Variants in RGL1 observed in about 807,000 individuals in gnomAD.
RGL1 encodes the protein ral guanine nucleotide dissociation stimulator-like 1.
A neutral mutation model predicts 95.2 loss-of-function variants in RGL1; 24 were observed. The observed-to-expected ratio is 0.25, with a 90% CI of 0.18 to 0.35. The LOEUF (loss-of-function observed/expected upper bound fraction) is 0.35. Among genes scored for constraint, RGL1 ranks in the 10% least tolerant of loss-of-function variants. The pLI, the probability that RGL1 is intolerant of heterozygous loss-of-function variation, is 1.00. For missense variants in RGL1, 715 were observed against 936.3 expected, an observed-to-expected ratio of 0.76 and a Z score of 3.08; for synonymous variants, 329 against 344.9, an observed-to-expected ratio of 0.95 and a Z score of 0.51.
intron 2 of RGL1, among the ~76,000 whole-genome samples, chr1:183,762,612 T>C (rs1487234351): frequency 6.6e-6 from 1 of 152,206 alleles, no homozygotes; most frequent in Non-Finnish European, 1.5e-5. Flanking sequence ...CTTCAATTTA[T>C]TATGCAGCCA....
At chr1:183,648,654 A>G in intron 1 of RGL1, 1 of 1,613,818 alleles carries the variant, frequency 6.2e-7, no homozygotes, top group Non-Finnish European at 8.5e-7. Flanking sequence ...TGTGAGGGAA[A>G]CTCTTGCTTC....
At chr1:183,849,483 G>GTTTTTTTTTTTTTTTTTTTTTTTTTTT (rs1418103960) in intron 3 of RGL1, among the ~76,000 whole-genome samples, 1 of 120,852 alleles carries the variant, frequency 8.3e-6, no homozygotes. Context: ...CCAGTTTTTA[G>GTTTTTTTTTTTTTTTTTTTTTTTTTTT]TTTTTTTTTT....
intron 1 of RGL1, among the ~76,000 whole-genome samples, chr1:183,675,656 G>A (rs939252286): frequency 6.6e-6 from 1 of 152,114 alleles, no homozygotes; most frequent in Non-Finnish European, 1.5e-5. Context: ...GTGTCCTGCA[G>A]TATCCCTTAC....
At chr1:183,795,748 T>G (rs1021477364) in intron 2 of RGL1, among the ~76,000 whole-genome samples, 1 of 152,200 alleles carries the variant, frequency 6.6e-6, no homozygotes, top group Non-Finnish European at 1.5e-5. Context: ...GTGGTCACTG[T>G]GTGGAGGATA....
intron 3 of RGL1, among the ~76,000 whole-genome samples, chr1:183,850,082 T>C (rs964579177): frequency 6.6e-6 from 1 of 152,204 alleles, no homozygotes; most frequent in Non-Finnish European, 1.5e-5. Flanking sequence ...TGACAAATGA[T>C]AGCTTCTTGT....
At chr1:183,920,642 G>A (rs1669261790) in intron 16 of RGL1, among the ~76,000 whole-genome samples, 1 of 152,210 alleles carries the variant, frequency 6.6e-6, no homozygotes. Flanking sequence ...TCCCCTGAAG[G>A]GAGGTCTTCT....
At chr1:183,722,334 C>A (rs958604274) in intron 1 of RGL1, among the ~76,000 whole-genome samples, 2 of 151,564 alleles carry the variant, frequency 1.3e-5, no homozygotes, top group Non-Finnish European at 2.9e-5. Flanking sequence ...TAAGAGAGAC[C>A]TGGAGGCAAT....
At chr1:183,673,307 A>G (rs1300957615) in intron 1 of RGL1, among the ~76,000 whole-genome samples, 1 of 152,220 alleles carries the variant, frequency 6.6e-6, no homozygotes, top group Non-Finnish European at 1.5e-5. Flanking sequence ...TGAACTATAT[A>G]GGTAGCATAA....
intron 2 of RGL1, among the ~76,000 whole-genome samples, chr1:183,761,231 T>G (rs1022237747): frequency 3.3e-5 from 5 of 152,254 alleles, no homozygotes; most frequent in Admixed American, 1.3e-4. Flanking sequence ...AATCATTATC[T>G]ATGGCAGCTA....
At chr1:183,761,356 G>C (rs564726233) in intron 2 of RGL1, among the ~76,000 whole-genome samples, 1 of 152,296 alleles carries the variant, frequency 6.6e-6, no homozygotes, top group South Asian at 2.1e-4. Context: ...GTGTTAGCAG[G>C]CATGAAAACA....
chr1:183,719,630 G>A (rs1219288716), intron 1 of RGL1, among the ~76,000 whole-genome samples: 5 of 152,204 alleles, frequency 3.3e-5, no homozygotes, highest in Admixed American at 3.3e-4. Context: ...TAAAGGCCAG[G>A]TGCAGTGGCT....
intron 2 of RGL1, among the ~76,000 whole-genome samples, chr1:183,763,782 A>C (rs1245276068): frequency 6.6e-6 from 1 of 152,242 alleles, no homozygotes; most frequent in African/African-American, 2.4e-5. Context: ...CATAATAAGC[A>C]ATAGATGTAG....
intron 1 of RGL1, among the ~76,000 whole-genome samples, chr1:183,703,119 G>A (rs1654701986): frequency 1.3e-5 from 2 of 152,152 alleles, no homozygotes. Context: ...GAAGTGAGGA[G>A]TTATTCACCA....
chr1:183,729,028 A>G (rs1166456282), intron 1 of RGL1, among the ~76,000 whole-genome samples: 1 of 152,198 alleles, frequency 6.6e-6, no homozygotes, highest in Non-Finnish European at 1.5e-5. Context: ...AAGAAACTTT[A>G]TAACCTTCAC....
In RGL1 at chr1:183,848,315, C is replaced by T. The variant is rs114877074; in HGVS notation, c.347+541C>T. ...ATCCGTATTTTTAAGCTACTTATTA[C>T]ATAGAGCAGTATACATTGATATTTA... On this transcript the variant is annotated intron_variant, in intron 3 of 17. Transcript: ENST00000360851. 6.4e-3 allele frequency among the ~76,000 whole-genome samples: 975 copies of T among 152,254 alleles called. 3 individuals carry two copies. Among genetic ancestry groups the T allele is most frequent in the Non-Finnish European group, 0.01 (706 of 68,006 alleles).
At chr1:183,846,533 A>G (rs1467686057) in intron 2 of RGL1, among the ~76,000 whole-genome samples, 2 of 151,776 alleles carry the variant, frequency 1.3e-5, no homozygotes, top group Non-Finnish European at 2.9e-5. Context: ...CACTTAAAGT[A>G]TAATTTTTAA....
intron 2 of RGL1, among the ~76,000 whole-genome samples, chr1:183,831,547 A>G (rs1424495192): frequency 6.6e-6 from 1 of 152,234 alleles, no homozygotes; most frequent in Admixed American, 6.5e-5. Context: ...AGAACAATTT[A>G]AAAGATTGTT....
chr1:183,838,969 G>C lies in RGL1; in HGVS notation c.139-8597G>C, dbSNP rs755103683. ...TCCAGCATACCGCTGTCTAAGCCTT[G>C]ATATGTTTGTATAATTAGAGGGAAG... On this transcript the variant is annotated intron_variant, in intron 2 of 17. Transcript: ENST00000360851. Among the ~76,000 whole-genome samples the C allele has an allele frequency of 3.3e-5, 5 of 152,178 alleles. No homozygotes were observed. In the South Asian group the frequency reaches 8.3e-4, roughly 25 times the overall value.
At chr1:183,671,467 C>T (rs2102053786) in intron 1 of RGL1, among the ~76,000 whole-genome samples, 1 of 152,322 alleles carries the variant, frequency 6.6e-6, no homozygotes, top group South Asian at 2.1e-4. Context: ...ATGAGCATTC[C>T]AGTTGCTCCA....
Sources: gnomAD v4.1 joint callset for allele counts (sites outside exome capture counted in the v4.1 genomes callset) on GRCh38, gnomAD v4.1.1 for gene constraint, MANE v1.5 for transcripts, NCBI Gene and HGNC (gene_info 2026-07-23, HGNC 2026-07-21) for gene names.